Variants in MATR3 observed in about 807,000 individuals in gnomAD.
The protein encoded by MATR3 is matrin 3.
In MATR3, 4 loss-of-function variants were observed where a neutral mutation model predicts 85.5. That is an observed-to-expected ratio of 0.05 (90% confidence interval 0.02 to 0.11). The LOEUF (loss-of-function observed/expected upper bound fraction) is 0.11. Among genes scored for constraint, MATR3 ranks in the 10% least tolerant of loss-of-function variants. The pLI is 1.00. For synonymous variants in MATR3, 336 were observed against 343.1 expected (o/e 0.98, Z 0.23); for missense variants, 685 against 1,016.1 (o/e 0.67, Z 4.43).
At position 139,326,282 on chromosome 5, in the gene MATR3, A is replaced by G; in HGVS notation, c.2491A>G (p.Lys831Glu). ...CSSLPHYQKL[K>E]KFLNKLAEER... ...CAGCCTTCCTCATTATCAGAAATTA[A>G]AGGTAAGGTTGAATGTAAAACAGTT... Residue 831 changes from lysine to glutamate, a missense_variant and splice_region_variant, in exon 14 of 15, where the codon AAG becomes GAG. This residue lies in a region of MATR3 where 45 missense variants were observed against 82.5 expected (regional missense o/e 0.55). Coordinates refer to ENST00000394805, the MANE Select transcript of MATR3 (RefSeq NM_018834.6). The G allele has an allele frequency of 6.2e-7, 1 of 1,613,714 alleles. No individual in the cohort carries two copies. Among genetic ancestry groups the G allele is most frequent in the Non-Finnish European group, 8.5e-7 (1 of 1,179,758 alleles).
intron 5 of MATR3, 82 bp from the exon 6 acceptor site, chr5:139,316,971 G>A (rs1425623479): frequency 2.9e-6 from 3 of 1,048,206 alleles, no homozygotes; most frequent in Non-Finnish European, 4.4e-6. Flanking sequence ...TTTGTGTTTG[G>A]AAGATGCACG....
At position 139,325,476 on chromosome 5, in the gene MATR3, G is replaced by A; in HGVS notation, c.2185G>A (p.Ala729Thr). Residue 729 changes from alanine to threonine, a missense_variant, in exon 13 of 15, where the codon GCA (alanine) becomes ACA (threonine). By Grantham distance (58) the Ala-to-Thr change is moderately conservative (BLOSUM62 0). This residue lies in a region of MATR3 where 215 missense variants were observed against 194.7 expected (regional missense o/e 1.10). Transcript: ENST00000394805. ...CGAGGAACTTGATCAAGAAAACGAA[G>A]CAGCGTTGGAAAATGGAATTAAAAA... ...KIEELDQENE[A>T]ALENGIKNEE... is the part of the protein sequence containing the mutation. 1 of 1,614,188 alleles carries A rather than the reference G, an allele frequency of 6.2e-7. No individual in the cohort carries two copies. The highest frequency in any genetic ancestry group is 1.7e-5 in the Admixed American group (1 of 60,014).
At chr5:139,298,954 G>A (rs1421835567) in intron 1 of MATR3, among the ~76,000 whole-genome samples, 3 of 152,200 alleles carry the variant, frequency 2.0e-5, no homozygotes, top group African/African-American at 7.2e-5. Flanking sequence ...GGATAAATCA[G>A]TTTTTAAAAG....
At chr5:139,278,390 C>G (rs1370508055) in intron 2 of MATR3, 1 of 453,662 alleles carries the variant, frequency 2.2e-6, no homozygotes, top group Non-Finnish European at 4.4e-6. Context: ...AGGTGACAGT[C>G]TGCATGTGCA....
intron 7 of MATR3, among the ~76,000 whole-genome samples, chr5:139,318,429 C>T (rs1166706898): frequency 2.0e-5 from 3 of 152,022 alleles, no homozygotes; most frequent in African/African-American, 7.2e-5. Context: ...CCATTACACC[C>T]GGCCAACATT....
intron 14 of MATR3, among the ~76,000 whole-genome samples, chr5:139,329,010 AAAAAG>A (rs1400728967): frequency 1.3e-5 from 2 of 152,160 alleles, no homozygotes; most frequent in African/African-American, 2.4e-5. Context: ...CCCTCAAAAA[AAAAAG>A]AATAAAAGTG....
At chr5:139,321,802 G>A in intron 9 of MATR3, 96 bp from the exon 10 acceptor site, 1 of 1,306,370 alleles carries the variant, frequency 7.7e-7, no homozygotes, top group Admixed American at 2.2e-5. Flanking sequence ...AAAAAGTAAT[G>A]AAAATTTTCT....
chr5:139,300,972 C>T (rs1179685072), intron 1 of MATR3, among the ~76,000 whole-genome samples: 1 of 152,162 alleles, frequency 6.6e-6, no homozygotes, highest in African/African-American at 2.4e-5. Flanking sequence ...TGCCACCACA[C>T]CTGGCTCTTT....
intron 14 of MATR3, among the ~76,000 whole-genome samples, chr5:139,328,770 G>T (rs1755982895): frequency 6.6e-6 from 1 of 152,160 alleles, no homozygotes; most frequent in Non-Finnish European, 1.5e-5. Flanking sequence ...GGGAGGCGGG[G>T]ACAGGCAGAT....
At chr5:139,276,163 C>A (rs1184339620) in intron 2 of MATR3, 4 of 456,584 alleles carry the variant, frequency 8.8e-6, no homozygotes, top group Middle Eastern at 6.5e-4. Flanking sequence ...GAGTGCAACC[C>A]CTTCAGCTCT....
chr5:139,302,997 A>C (rs983711405), intron 1 of MATR3, among the ~76,000 whole-genome samples: 11 of 151,476 alleles, frequency 7.3e-5, no homozygotes, highest in Admixed American at 2.0e-4. Context: ...TTTATGGTTA[A>C]ACCATAAATA....
intron 1 of MATR3, among the ~76,000 whole-genome samples, chr5:139,306,972 A>G (rs993767900): frequency 6.6e-6 from 1 of 152,180 alleles, no homozygotes; most frequent in Non-Finnish European, 1.5e-5. Context: ...GTACTCAGAC[A>G]TCTAACCTTT....
intron 1 of MATR3, among the ~76,000 whole-genome samples, chr5:139,299,102 T>C (rs1401843313): frequency 1.3e-5 from 2 of 152,240 alleles, no homozygotes; most frequent in African/African-American, 4.8e-5. Flanking sequence ...TATGTAGATT[T>C]ATTTCCAAAG....
chr5:139,278,922 C>G (rs200783037), intron 2 of MATR3: 15 of 517,312 alleles, frequency 2.9e-5, no homozygotes, highest in African/African-American at 7.7e-5. Context: ...CAGTGTTTTG[C>G]ACCTCTGAGA....
intron 12 of MATR3, among the ~76,000 whole-genome samples, chr5:139,324,290 G>GTTTTTTT (rs767660135): frequency 6.5e-5 from 7 of 107,728 alleles, no homozygotes; most frequent in Admixed American, 2.4e-4. Context: ...GAGCATGATT[G>GTTTTTTT]TTTTTTTTTT....
At position 139,322,446 on chromosome 5, in the gene MATR3, A is replaced by G; in HGVS notation, c.1735-17A>G. ...TTCTGCAAATGTGTTAACTTCTGCAAAACTTTTGTCTTTTAGATTCCAAAC... is the reference window on the plus strand; with the variant it reads ...TTCTGCAAATGTGTTAACTTCTGCAGAACTTTTGTCTTTTAGATTCCAAAC... On this transcript the variant is annotated splice_polypyrimidine_tract_variant and intron_variant, in intron 10 of 14. Coordinates refer to ENST00000394805, the MANE Select transcript of MATR3 (RefSeq NM_018834.6). 6.2e-7 allele frequency: 1 copy of G among 1,612,528 alleles called. No homozygotes were observed. The highest frequency in any genetic ancestry group is 2.2e-5 in the East Asian group (1 of 44,850).
chr5:139,322,969 TAAAG>T lies in MATR3; in HGVS notation c.2148+8_2148+11del, dbSNP rs745750214. The T allele has an allele frequency of 1.6e-4, 262 of 1,613,846 alleles. No homozygotes were observed. The highest frequency in any genetic ancestry group is 2.0e-4 in the Non-Finnish European group (239 of 1,179,872). ...GCAGCAAAGAAAAAGCTTAAAAAGG[TAAAG>T]AAAGATACATTGATTTGTTTTAATA... On this transcript the variant is annotated splice_donor_5th_base_variant and intron_variant, in intron 12 of 14. Transcript: ENST00000394805.
chr5:139,321,739 C>T (rs907595590), intron 9 of MATR3, 159 bp from the exon 10 acceptor site: 24 of 713,650 alleles, frequency 3.4e-5, no homozygotes, highest in African/African-American at 9.0e-5. Flanking sequence ...GCCAGGATTG[C>T]GCCACTGCAT....
intron 1 of MATR3, among the ~76,000 whole-genome samples, chr5:139,274,817 C>T (rs1156659158): frequency 6.6e-6 from 1 of 151,462 alleles, no homozygotes; most frequent in Admixed American, 6.6e-5. Context: ...CGCCTGAAGT[C>T]GGGAGGCTGA....
Sources: gnomAD v4.1 joint callset for allele counts (sites outside exome capture counted in the v4.1 genomes callset) on GRCh38, gnomAD v4.1.1 for gene constraint, gnomAD v4.1.1 regional missense constraint, MANE v1.5 for transcripts, NCBI Gene and HGNC (gene_info 2026-07-23, HGNC 2026-07-21) for gene names.